BSN: variants seen among roughly 807,000 people sequenced by gnomAD.
BSN encodes the protein bassoon presynaptic cytomatrix protein.
A neutral mutation model predicts 264.8 loss-of-function variants in BSN; 57 were observed. The ratio of observed to expected loss-of-function variants is 0.22; its 90% CI spans 0.17 to 0.27. BSN has a LOEUF of 0.27. Ranked by LOEUF, BSN falls within the 10% of genes least tolerant of loss-of-function variation. The pLI is 1.00. For synonymous variants in BSN, 2,059 were observed against 2,137.3 expected, an observed-to-expected ratio of 0.96 and a Z score of 1.01; for missense variants, 4,615 against 5,232.5, an observed-to-expected ratio of 0.88 and a Z score of 3.64.
chr3:49,556,416 A>G (rs2051672348), intron 1 of BSN, among the ~76,000 whole-genome samples: 1 of 152,102 alleles, frequency 6.6e-6, no homozygotes, highest in Non-Finnish European at 1.5e-5. Context: ...TTTGTACTTC[A>G]TCTGTACATT....
At position 49,638,532 on chromosome 3, in the gene BSN, T is replaced by C. The variant is rs993971502; in HGVS notation, c.634-3736T>C. On this transcript the variant is annotated intron_variant, in intron 2 of 11. Transcript: ENST00000296452. This position sits in a 1 kb window ranked among gnomAD's most constrained non-coding sequence, Gnocchi z 4.3. ...AGTGTCCTCCTTAGGAGGCCTTGCA[T>C]GCTGGGCCTGAGCCTGGGAGGGGCT... 6.6e-6 allele frequency among the ~76,000 whole-genome samples: 1 copy of C among 150,934 alleles called. No individual in the cohort carries two copies. The highest frequency in any genetic ancestry group is 6.6e-5 in the Admixed American group (1 of 15,244).
At chr3:49,619,226 A>G (rs947580846) in intron 1 of BSN, among the ~76,000 whole-genome samples, 2 of 152,236 alleles carry the variant, frequency 1.3e-5, no homozygotes, top group African/African-American at 2.4e-5. Flanking sequence ...AGCTCATTCT[A>G]CTGTTCACAC....
rs1220253237 is a variant in BSN at position 49,668,423 on chromosome 3, C to T, written c.*938C>T. ...CATTTTTCTTTTGTTTCTCTCTCCC[C>T]CTTTCTCTCTTCTCTTGGCTCACTC... On this transcript the variant is annotated 3_prime_UTR_variant, in exon 12 of 12. Transcript: ENST00000296452. 2 of 152,720 alleles carry T rather than the reference C, an allele frequency of 1.3e-5. No homozygotes were observed. The highest frequency in any genetic ancestry group is 3.8e-4 in the East Asian group (2 of 5,204). The allele number at this position is 152,720 out of a possible 1,614,324, so 9.5% of individuals were successfully genotyped here.
chr3:49,599,161 A>G (rs147992870), intron 1 of BSN, among the ~76,000 whole-genome samples: 6 of 152,236 alleles, frequency 3.9e-5, no homozygotes, highest in Admixed American at 3.9e-4. Flanking sequence ...GGTTGTGCTG[A>G]GGTCTTTCGT....
intron 3 of BSN, among the ~76,000 whole-genome samples, chr3:49,643,588 G>A (rs1051464902): frequency 1.3e-5 from 2 of 152,194 alleles, no homozygotes; most frequent in African/African-American, 4.8e-5. Flanking sequence ...CATCCAGGGT[G>A]GGGTGGGAGG....
Position 49,654,829 on chromosome 3 carries a change from G to T in BSN, c.5273G>T (p.Arg1758Leu), listed in dbSNP as rs373468284. The T allele has an allele frequency of 1.2e-6, 2 of 1,613,392 alleles. No individual in the cohort carries two copies. Among genetic ancestry groups the T allele is most frequent in the African/African-American group, 1.3e-5 (1 of 74,908 alleles). Residue 1758 changes from arginine to leucine, a missense_variant, in exon 5 of 12, where the codon CGC becomes CTC. Arg to Leu is a moderately radical substitution (Grantham distance 102). This residue lies in a region of BSN where 3,415 missense variants were observed against 3,866.4 expected (regional missense o/e 0.88). Transcript: ENST00000296452. The surrounding 1 kb of genome is among the most constrained non-coding windows in gnomAD (Gnocchi z 4.1). ...GTCTATGGAGACCCCTACCAGAGCC[G>T]CCTTGACTTTGGCCAGGGTGGGGGT... ...PVVYGDPYQS[R>L]LDFGQGGGSP...
chr3:49,658,344 C>T (rs1433650244), intron 5 of BSN, 148 bp downstream of exon 5: 1 of 997,518 alleles, frequency 1.0e-6, no homozygotes, highest in Non-Finnish European at 1.4e-6. Flanking sequence ...CAGATGCTCC[C>T]TGGTGCACAT....
chr3:49,655,878 A>G lies in BSN; in HGVS notation c.6322A>G (p.Met2108Val), dbSNP rs1441334542. The G allele has an allele frequency of 1.9e-6, 3 of 1,612,724 alleles. No homozygotes were observed. The highest frequency in any genetic ancestry group is 1.1e-5 in the South Asian group (1 of 91,074). The change falls in exon 5 of 12, where the codon ATG becomes GTG. Residue 2108 changes from methionine to valine, a missense_variant. By Grantham distance (21) the Met-to-Val change is conservative. Around this residue, in one of 3 missense-constraint regions of BSN, gnomAD observed 3,415 missense variants for 3,866.4 expected, o/e 0.88. Transcript: ENST00000296452. ...TCGCATGTGCGCTGCCCTCAACTCC[A>G]TGGACCAGTATGGTGGGCGGCATGG... ...ISRMCAALNS[M>V]DQYGGRHGSG...
At position 49,657,246 on chromosome 3, in the gene BSN, G is replaced by T. The variant is rs2052613558; in HGVS notation, c.7690G>T (p.Asp2564Tyr). ...GCGGCACTCCATGCCACGCCTGCGGGATGCCTGTGAGCTAGAGTCTGGGAC... is the reference window on the plus strand; with the variant it reads ...GCGGCACTCCATGCCACGCCTGCGGTATGCCTGTGAGCTAGAGTCTGGGAC... The part of the protein sequence containing the change: ...KKRHSMPRLR[D>Y]ACELESGTEP... Residue 2564 changes from aspartate to tyrosine, a missense_variant, in exon 5 of 12, where the codon GAT (aspartate) becomes TAT (tyrosine). Coordinates refer to ENST00000296452, the MANE Select transcript of BSN (RefSeq NM_003458.4). The T allele has an allele frequency of 6.2e-7, 1 of 1,613,540 alleles. No homozygotes were observed. Among genetic ancestry groups the T allele is most frequent in the Non-Finnish European group, 8.5e-7 (1 of 1,180,046 alleles).
In BSN at chr3:49,650,722, C is replaced by T. The variant is rs139787101; in HGVS notation, c.1629C>T (p.Ala543=). The T allele has an allele frequency of 9.5e-3, 15,304 of 1,613,394 alleles. 106 individuals carry two copies. Among genetic ancestry groups the T allele is most frequent in the Non-Finnish European group, 0.01 (12,370 of 1,179,908 alleles). The change falls in exon 4 of 12, where the codon GCC becomes GCT. Residue 543 remains alanine, a synonymous_variant. Transcript: ENST00000296452. ...CCTCACAGCAGCCCCCTGTAGGGGC[C>T]CCTCACCGTGCATCTGGAACATCCC... The part of the protein sequence containing the change: ...PPTSQQPPVG[A]PHRASGTSPL...
intron 1 of BSN, among the ~76,000 whole-genome samples, chr3:49,580,876 G>C (rs1406162457): frequency 6.6e-6 from 1 of 151,948 alleles, no homozygotes; most frequent in African/African-American, 2.4e-5. Flanking sequence ...GATTCATGTT[G>C]TGCAACCATC....
chr3:49,605,897 TG>T (rs2052132107), intron 1 of BSN, among the ~76,000 whole-genome samples: 1 of 52,254 alleles, frequency 1.9e-5, no homozygotes, highest in African/African-American at 7.3e-5. Flanking sequence ...AATATATTTA[TG>T]TCTATATAAA....
chr3:49,636,633 C>T (rs1218599450), intron 2 of BSN, among the ~76,000 whole-genome samples: 2 of 152,202 alleles, frequency 1.3e-5, no homozygotes, highest in African/African-American at 2.4e-5. Context: ...GCCTCCACTC[C>T]CCAGATCCTG....
intron 1 of BSN, among the ~76,000 whole-genome samples, chr3:49,577,832 G>A (rs556057211): frequency 2.3e-3 from 352 of 152,192 alleles, no homozygotes; most frequent in Non-Finnish European, 3.9e-3. Context: ...GAGCCAACGC[G>A]TCAGCTTGCT....
chr3:49,595,712 G>T (rs762013975), intron 1 of BSN, among the ~76,000 whole-genome samples: 68 of 152,260 alleles, frequency 4.5e-4, no homozygotes, highest in African/African-American at 1.6e-3. Flanking sequence ...ATTATTGTAA[G>T]TGGTGTTACA....
chr3:49,666,818 G>T (rs1230541464), intron 11 of BSN, among the ~76,000 whole-genome samples: 10 of 152,262 alleles, frequency 6.6e-5, no homozygotes, highest in Non-Finnish European at 1.5e-4. Context: ...TGCAGGCCAA[G>T]TAAGGAGCCT....
At chr3:49,659,141 C>T (rs749920876) in intron 5 of BSN, among the ~76,000 whole-genome samples, 19 of 151,994 alleles carry the variant, frequency 1.3e-4, no homozygotes, top group Non-Finnish European at 2.2e-4. Flanking sequence ...GACACAGAGA[C>T]GAGAAAAGTG....
intron 1 of BSN, among the ~76,000 whole-genome samples, chr3:49,576,227 G>T (rs992307957): frequency 2.0e-5 from 3 of 152,014 alleles, no homozygotes; most frequent in Non-Finnish European, 4.4e-5. Flanking sequence ...GGCACTGTGA[G>T]CTGCAGCAGC....
intron 2 of BSN, among the ~76,000 whole-genome samples, chr3:49,628,757 C>G (rs1299170492): frequency 6.6e-6 from 1 of 152,186 alleles, no homozygotes; most frequent in Non-Finnish European, 1.5e-5. Context: ...CTGGGTTATT[C>G]TGGAGCAAAA....
Sources: allele counts gnomAD v4.1 joint callset (sites outside exome capture counted in the v4.1 genomes callset), GRCh38; gene constraint gnomAD v4.1.1; regional missense constraint gnomAD v4.1.1; non-coding constraint Gnocchi (gnomAD v3.1); transcripts MANE v1.5; gene names NCBI Gene and HGNC (gene_info 2026-07-23, HGNC 2026-07-21).